The following APC2 variants were observed in gnomAD, a reference collection of about 807,000 sequenced individuals.
APC2 encodes APC regulator of Wnt signaling pathway 2.
Under a neutral mutation model 72.5 loss-of-function variants are expected in APC2, and 41 were observed. The ratio of observed to expected loss-of-function variants is 0.57; its 90% CI spans 0.44 to 0.73. The LOEUF is 0.73. Among genes scored for constraint, APC2 ranks in the 30% least tolerant of loss-of-function variants. The pLI is 0.00. For synonymous variants in APC2, 1,898 were observed against 1,612.0 expected (o/e 1.18, Z -4.25); for missense variants, 3,729 against 3,403.4 (o/e 1.10, Z -2.38).
chr19:1,466,283 G>A lies in APC2; in HGVS notation c.2982G>A (p.Lys994=). The change falls in exon 15 of 15, where the codon AAG becomes AAA. Residue 994 remains lysine (K), a synonymous_variant. Coordinates refer to ENST00000590469, the MANE Select transcript of APC2 (RefSeq NM_005883.3). ...CCGACGCCCGCGTGCGCACCATCAAGCTGTCGCCTACCTATCAGCACGTGC... is the reference window on the plus strand; with the variant it reads ...CCGACGCCCGCGTGCGCACCATCAAACTGTCGCCTACCTATCAGCACGTGC... ...TSADARVRTI[K]LSPTYQHVPL... is the part of the protein sequence containing the mutation. The A allele has an allele frequency of 6.5e-7, 1 of 1,535,382 alleles. No homozygotes were observed. The highest frequency in any genetic ancestry group is 8.7e-7 in the Non-Finnish European group (1 of 1,147,714).
rs767768420 is a variant in APC2 at position 1,456,945 on chromosome 19, G to A, written c.909G>A (p.Glu303=). 6.4e-7 allele frequency: 1 copy of A among 1,552,788 alleles called. No individual in the cohort carries two copies. Among genetic ancestry groups the A allele is most frequent in the African/African-American group, 1.4e-5 (1 of 73,416 alleles). Residue 303 remains glutamate (E), a synonymous_variant, in exon 9 of 15, where the codon GAG becomes GAA. Coordinates refer to ENST00000590469, the MANE Select transcript of APC2 (RefSeq NM_005883.3). The part of the protein sequence containing the change: ...RTLLAMSSSP[E]SCVAMRRSGC... Reference sequence around the variant, plus strand: ...TGCTGGCCATGTCCAGCTCGCCCGAGAGCTGCGTGGCCATGCGCCGCTCGG... The same window carrying A: ...TGCTGGCCATGTCCAGCTCGCCCGAAAGCTGCGTGGCCATGCGCCGCTCGG...
In APC2 at chr19:1,470,226, G is replaced by T; in HGVS notation, c.*13G>T. ...CCTCCTGGAATAGTGGCCTAGGCCGGCCTTCTGGAACGTTCTCTCCCGGCC... is the reference window on the plus strand; with the variant it reads ...CCTCCTGGAATAGTGGCCTAGGCCGTCCTTCTGGAACGTTCTCTCCCGGCC... On this transcript the variant is annotated 3_prime_UTR_variant, in exon 15 of 15. Coordinates refer to ENST00000590469, the MANE Select transcript of APC2 (RefSeq NM_005883.3). 6.4e-7 allele frequency: 1 copy of T among 1,572,324 alleles called. No homozygotes were observed.
chr19:1,466,258 C>G lies in APC2; in HGVS notation c.2957C>G (p.Ala986Gly). The G allele has an allele frequency of 6.5e-7, 1 of 1,530,250 alleles. No homozygotes were observed. 94.8% of individuals were successfully genotyped at this position (1,530,250 alleles called of 1,614,324 possible). The change falls in exon 15 of 15, where the codon GCC becomes GGC. Residue 986 changes from alanine (A) to glycine (G), a missense_variant. Transcript: ENST00000590469. ...AEPPAREATS[A>G]DARVRTIKLS... ...CCCCCGGCCCGCGAGGCCACCTCCGCCGACGCCCGCGTGCGCACCATCAAG... is the reference window on the plus strand; with the variant it reads ...CCCCCGGCCCGCGAGGCCACCTCCGGCGACGCCCGCGTGCGCACCATCAAG...
intron 14 of APC2, among the ~76,000 whole-genome samples, chr19:1,464,491 G>C (rs1389461937): frequency 6.6e-6 from 1 of 152,020 alleles, no homozygotes; most frequent in Non-Finnish European, 1.5e-5. Context: ...AGGAGTTGGA[G>C]GCTGCAGTGA....
chr19:1,448,639 A>G (rs1292711412), upstream of APC2, among the ~76,000 whole-genome samples: 1 of 151,488 alleles, frequency 6.6e-6, no homozygotes, highest in Non-Finnish European at 1.5e-5. Context: ...AGGTCAGGAG[A>G]TCGAGACCAT....
chr19:1,457,895 C>CA, intron 9 of APC2, 70 bp from the exon 10 acceptor site: 2 of 1,233,430 alleles, frequency 1.6e-6, no homozygotes, highest in East Asian at 2.7e-5. Flanking sequence ...GGGCGGGTTG[C>CA]GGGACCTTCG....
rs1445946956 is a variant in APC2, at chr19:1,457,010, AGGCCGC to A, written c.980_985del (p.Ala327_Ala328del). The A allele has an allele frequency of 1.3e-6, 2 of 1,529,172 alleles. No homozygotes were observed. The allele number at this position is 1,529,172 out of a possible 1,614,324, so 94.7% of individuals were successfully genotyped here. On this transcript the variant is annotated inframe_deletion, in exon 9 of 15. Coordinates refer to ENST00000590469, the MANE Select transcript of APC2 (RefSeq NM_005883.3). ...CTGCTGCAAATCCTCCACGGCACCG[AGGCCGC>A]GGCCGGGGGTCGCGCCGGGGCCCCA... is the stretch of plus-strand genomic sequence containing the variant.
Position 1,469,351 on chromosome 19 carries a change from C to A in APC2, c.6050C>A (p.Ala2017Glu), listed in dbSNP as rs1179703829. ...TCCGAGCTGTCCTCGGCCGAGTCCG[C>A]GGCCTCTGCCCCCCAGGGCGCCTCG... The part of the protein sequence containing the change: ...RRSELSSAES[A>E]ASAPQGASPR... Residue 2017 changes from alanine (A) to glutamate (E), a missense_variant, in exon 15 of 15, where the codon GCG becomes GAG. Coordinates refer to ENST00000590469, the MANE Select transcript of APC2 (RefSeq NM_005883.3). The A allele has an allele frequency of 1.5e-6, 2 of 1,338,264 alleles. No homozygotes were observed. The highest frequency in any genetic ancestry group is 1.9e-6 in the Non-Finnish European group (2 of 1,037,966). 82.9% of individuals were successfully genotyped at this position (1,338,264 alleles called of 1,614,324 possible).
Position 1,469,683 on chromosome 19 carries a change from A to C in APC2, c.6382A>C (p.Ser2128Arg), listed in dbSNP as rs1403197500. Reference protein sequence around the residue: ...APASADAARRSSDGEPRPLPR... With the variant: ...APASADAARRRSDGEPRPLPR... ...TGCCTCAGCCGACGCCGCGCGCCGC[A>C]GCAGCGACGGGGAGCCCCGGCCGCT... is the stretch of plus-strand genomic sequence containing the variant. Residue 2128 changes from serine to arginine, a missense_variant, in exon 15 of 15, where the codon AGC (serine) becomes CGC (arginine). Physicochemically the swap from Ser to Arg is moderately radical, Grantham distance 110. Coordinates refer to ENST00000590469, the MANE Select transcript of APC2 (RefSeq NM_005883.3). 7.6e-7 allele frequency: 1 copy of C among 1,317,608 alleles called. No homozygotes were observed. Among genetic ancestry groups the C allele is most frequent in the Admixed American group, 4.1e-5 (1 of 24,406 alleles). 81.6% of individuals were successfully genotyped at this position (1,317,608 alleles called of 1,614,324 possible).
chr19:1,470,045 C>A lies in APC2; in HGVS notation c.6744C>A (p.Gly2248=). The A allele has an allele frequency of 6.4e-7, 1 of 1,573,746 alleles. No individual in the cohort carries two copies. The highest frequency in any genetic ancestry group is 8.6e-7 in the Non-Finnish European group (1 of 1,165,080). The change falls in exon 15 of 15, where the codon GGC becomes GGA. Residue 2248 remains glycine, a synonymous_variant. Coordinates refer to ENST00000590469, the MANE Select transcript of APC2 (RefSeq NM_005883.3). ...APISAPFVHE[G]LGVAVGGFPA... ...TCTCCGCACCCTTCGTGCACGAGGG[C>A]CTGGGGGTCGCCGTGGGGGGCTTCC...
In APC2 at chr19:1,469,481, G is replaced by C. The variant is rs1334871000; in HGVS notation, c.6180G>C (p.Arg2060=). Residue 2060 remains arginine (R), a synonymous_variant, in exon 15 of 15, where the codon CGG becomes CGC. Transcript: ENST00000590469. ...PRQGPAPARQ[R]PPAARPSPGE... ...AGGGCCCGGCCCCGGCCCGGCAGCGGCCCCCCGCGGCCCGACCCAGCCCTG... is the reference window on the plus strand; with the variant it reads ...AGGGCCCGGCCCCGGCCCGGCAGCGCCCCCCCGCGGCCCGACCCAGCCCTG... 2.7e-6 allele frequency: 3 copies of C among 1,101,790 alleles called. No individual in the cohort carries two copies. In the East Asian group the frequency reaches 2.0e-4, roughly 74 times the overall value. The allele number at this position is 1,101,790 out of a possible 1,614,324, so 68.3% of individuals were successfully genotyped here. A position where few individuals can be genotyped will look rare whatever the true frequency, so the allele number is the denominator to read the frequency against.
intron 6 of APC2, among the ~76,000 whole-genome samples, chr19:1,455,819 G>A (rs1017087089): frequency 8.2e-5 from 12 of 145,912 alleles, no homozygotes; most frequent in African/African-American, 2.8e-4. Flanking sequence ...GCCCAAATGG[G>A]AAGTGGGAGG....
intron 10 of APC2, 89 bp from the exon 11 acceptor site, chr19:1,460,092 G>A (rs2083898867): frequency 1.9e-6 from 3 of 1,560,782 alleles, no homozygotes; most frequent in African/African-American, 2.7e-5. Context: ...GGGGCATAGG[G>A]AGGGCCTCTG....
Position 1,472,263 on chromosome 19 carries a change from C to T in APC2, c.*2050C>T, listed in dbSNP as rs1030949173. 2.0e-5 allele frequency: 3 copies of T among 152,370 alleles called. No homozygotes were observed. Among genetic ancestry groups the T allele is most frequent in the Admixed American group, 6.5e-5 (1 of 15,290 alleles). The allele number at this position is 152,370 out of a possible 1,614,324, so 9.4% of individuals were successfully genotyped here. ...CCAAACACGTGCTCACCCTCACACT[C>T]GCCCCGGCCCGCTGCGCCCCTAATT... is the stretch of plus-strand genomic sequence containing the variant. On this transcript the variant is annotated 3_prime_UTR_variant, in exon 15 of 15. Transcript: ENST00000590469.
At position 1,466,698 on chromosome 19, in the gene APC2, CGAG is replaced by C. The variant is rs1281233269; in HGVS notation, c.3399_3401del (p.Gly1134del). On this transcript the variant is annotated inframe_deletion, in exon 15 of 15. Transcript: ENST00000590469. ...AGCCATTCCGGCTCCCCGGCGTAAC[CGAG>C]GCCGGGGCCTGGGGGTGGAAGACGC... 4 of 1,521,176 alleles carry C rather than the reference CGAG, an allele frequency of 2.6e-6. No individual in the cohort carries two copies. Among genetic ancestry groups the C allele is most frequent in the Non-Finnish European group, 3.5e-6 (4 of 1,132,872 alleles). 94.2% of individuals were successfully genotyped at this position (1,521,176 alleles called of 1,614,324 possible). A position where few individuals can be genotyped will look rare whatever the true frequency, so the allele number is the denominator to read the frequency against.
chr19:1,457,615 T>G (rs1191198238), intron 9 of APC2: 1 of 497,994 alleles, frequency 2.0e-6, no homozygotes, highest in Non-Finnish European at 3.6e-6. Context: ...GGAGAATTGC[T>G]TGAGCCCAGG....
At position 1,468,374 on chromosome 19, in the gene APC2, G is replaced by T; in HGVS notation, c.5073G>T (p.Glu1691Asp). The change falls in exon 15 of 15, where the codon GAG (glutamate) becomes GAT (aspartate). Residue 1691 changes from glutamate (E) to aspartate (D), a missense_variant. Transcript: ENST00000590469. ...GCGTGGAGTGGCGCGCCATCCAGGAGGGCGCCAATTCAATTGTCACGTGGC... is the reference window on the plus strand; with the variant it reads ...GCGTGGAGTGGCGCGCCATCCAGGATGGCGCCAATTCAATTGTCACGTGGC... Reference protein sequence around the residue: ...LDSVEWRAIQEGANSIVTWLH... With the variant: ...LDSVEWRAIQDGANSIVTWLH... 6.3e-7 allele frequency: 1 copy of T among 1,577,594 alleles called. No individual in the cohort carries two copies. Among genetic ancestry groups the T allele is most frequent in the East Asian group, 2.3e-5 (1 of 43,102 alleles).
chr19:1,450,000 C>T (rs1599126780), upstream of APC2: 8 of 530,562 alleles, frequency 1.5e-5, no homozygotes, highest in African/African-American at 6.2e-5. Flanking sequence ...CCCGACGCCC[C>T]GCGGCCGACG....
rs1409613715 is a variant in APC2 at position 1,467,235 on chromosome 19, G to A, written c.3934G>A (p.Gly1312Ser). 2.9e-6 allele frequency: 4 copies of A among 1,366,512 alleles called. No homozygotes were observed. Among genetic ancestry groups the A allele is most frequent in the South Asian group, 1.8e-5 (1 of 54,192 alleles). 84.6% of individuals were successfully genotyped at this position (1,366,512 alleles called of 1,614,324 possible). ...GCGCGGCGGGGGCGCCGGGGGCGCC[G>A]GCCTCCACTTTGCAGGGCACCGGCG... Reference protein sequence around the residue: ...PERGGGAGGAGLHFAGHRRRE... With the variant: ...PERGGGAGGASLHFAGHRRRE... Residue 1312 changes from glycine (G) to serine (S), a missense_variant, in exon 15 of 15, where the codon GGC becomes AGC. Gly to Ser is a moderately conservative substitution (Grantham distance 56). Transcript: ENST00000590469.
Sources: allele counts gnomAD v4.1 joint callset (sites outside exome capture counted in the v4.1 genomes callset), GRCh38; gene constraint gnomAD v4.1.1; transcripts MANE v1.5; gene names NCBI Gene and HGNC (gene_info 2026-07-23, HGNC 2026-07-21).